SPOCK3: variants seen among roughly 807,000 people sequenced by gnomAD.
SPOCK3 encodes the protein SPARC (osteonectin), cwcv and kazal like domains proteoglycan 3, also known as testican-3.
A neutral mutation model predicts 56.6 loss-of-function variants in SPOCK3; 30 were observed. The ratio of observed to expected loss-of-function variants is 0.53; its 90% CI spans 0.40 to 0.72. The LOEUF (loss-of-function observed/expected upper bound fraction) is 0.72, where lower values mean the gene tolerates loss of function less well. SPOCK3 is among the 30% of genes least tolerant of loss of function. The pLI is 0.00. For synonymous variants in SPOCK3, 196 were observed against 183.3 expected, an observed-to-expected ratio of 1.07 and a Z score of -0.56; for missense variants, 527 against 530.0, an observed-to-expected ratio of 0.99 and a Z score of 0.06.
chr4:166,872,699 G>T (rs987854695), intron 6 of SPOCK3, among the ~76,000 whole-genome samples: 1 of 152,126 alleles, frequency 6.6e-6, no homozygotes, highest in Non-Finnish European at 1.5e-5. Context: ...AATATGAAAG[G>T]CTGCATAGTG....
At chr4:167,211,927 G>T (rs990577190) in intron 2 of SPOCK3, among the ~76,000 whole-genome samples, 1 of 152,088 alleles carries the variant, frequency 6.6e-6, no homozygotes, top group Non-Finnish European at 1.5e-5. Context: ...GAAACTTCAA[G>T]ACCTATTTGC....
chr4:167,134,867 G>A (rs1762987402), intron 2 of SPOCK3, among the ~76,000 whole-genome samples: 1 of 151,848 alleles, frequency 6.6e-6, no homozygotes, highest in Non-Finnish European at 1.5e-5. Flanking sequence ...TTATTTCTCA[G>A]TTTCATTAAT....
intron 2 of SPOCK3, among the ~76,000 whole-genome samples, chr4:167,066,384 T>G (rs1756137265): frequency 6.6e-6 from 1 of 151,844 alleles, no homozygotes; most frequent in Admixed American, 6.6e-5. Context: ...AAAAGGGAAG[T>G]GTAACAAGTT....
chr4:167,109,363 TATATATATATTTATA>T (rs1760629319), intron 2 of SPOCK3, among the ~76,000 whole-genome samples: 1 of 37,120 alleles, frequency 2.7e-5, no homozygotes, highest in African/African-American at 8.5e-5. Context: ...AATATATATT[TATATATATATTTATA>T]TAAAATATAT....
At chr4:166,883,840 A>C (rs1733918000) in intron 6 of SPOCK3, among the ~76,000 whole-genome samples, 1 of 152,252 alleles carries the variant, frequency 6.6e-6, no homozygotes, top group Non-Finnish European at 1.5e-5. Flanking sequence ...GAATTTAAGA[A>C]AATTTAAATA....
intron 2 of SPOCK3, among the ~76,000 whole-genome samples, chr4:167,190,906 C>T (rs1178900881): frequency 6.9e-6 from 1 of 145,530 alleles, no homozygotes. Flanking sequence ...TTCTTGACCC[C>T]TTTGACAAAG....
chr4:166,969,230 T>A (rs969342321), intron 4 of SPOCK3, among the ~76,000 whole-genome samples: 2 of 152,112 alleles, frequency 1.3e-5, no homozygotes, highest in African/African-American at 4.8e-5. Context: ...GACATTTGAG[T>A]TAAGGCTGGA....
chr4:167,141,416 T>C (rs529590554), intron 2 of SPOCK3, among the ~76,000 whole-genome samples: 1 of 152,162 alleles, frequency 6.6e-6, no homozygotes, highest in Non-Finnish European at 1.5e-5. Context: ...GAGGACCTAG[T>C]GCTTTTCCAA....
chr4:166,769,909 T>C (rs11944856), intron 7 of SPOCK3, among the ~76,000 whole-genome samples: 32,696 of 152,148 alleles, frequency 0.21, 4,191 homozygotes, highest in South Asian at 0.31. Flanking sequence ...CCCCCAGCCT[T>C]GCTGCTGTCT....
At chr4:167,169,412 C>G (rs770882577) in intron 2 of SPOCK3, among the ~76,000 whole-genome samples, 13 of 152,152 alleles carry the variant, frequency 8.5e-5, no homozygotes, top group African/African-American at 2.7e-4. Context: ...ATGTGTGACA[C>G]GAAGTCAAAG....
intron 6 of SPOCK3, among the ~76,000 whole-genome samples, chr4:166,870,914 A>G (rs1400198091): frequency 6.6e-6 from 1 of 151,906 alleles, no homozygotes; most frequent in Non-Finnish European, 1.5e-5. Context: ...TTCTCACAAG[A>G]TCTGATGGTT....
intron 6 of SPOCK3, among the ~76,000 whole-genome samples, chr4:166,871,276 T>A (rs1732437830): frequency 6.6e-6 from 1 of 152,064 alleles, no homozygotes; most frequent in African/African-American, 2.4e-5. Context: ...AAAAGGTGAT[T>A]CTTTGAAAAG....
At position 166,928,969 on chromosome 4, in the gene SPOCK3, A is replaced by AAAC. The variant is rs144684053; in HGVS notation, c.351-16229_351-16227dup. ...GGCGATAGAGTGAGACTCTGCCTCA[A>AAAC]AACAACAACAACAACAACAACAAAA... On this transcript the variant is annotated intron_variant, in intron 4 of 10. Coordinates refer to ENST00000357545, the MANE Select transcript of SPOCK3 (RefSeq NM_001040159.2). 4.6e-3 allele frequency among the ~76,000 whole-genome samples: 702 copies of AAAC among 151,752 alleles called. 5 individuals are homozygous for AAAC. Among genetic ancestry groups the AAAC allele is most frequent in the African/African-American group, 0.016 (643 of 41,396 alleles).
chr4:167,001,789 T>C lies in SPOCK3; in HGVS notation c.236-1326A>G, dbSNP rs560851528. Among the ~76,000 whole-genome samples the C allele has an allele frequency of 4.6e-5, 7 of 152,176 alleles. No individual in the cohort carries two copies. In the South Asian group the frequency reaches 1.5e-3, roughly 32 times the overall value. On this transcript the variant is annotated intron_variant, in intron 3 of 10. Transcript: ENST00000357545. ...AGAAATAAAACCAGAAAAATGTGCA[T>C]TTGGAATATGCAGAAGTATTTGGAA...
At chr4:167,178,524 C>T (rs1036767926) in intron 2 of SPOCK3, among the ~76,000 whole-genome samples, 2 of 152,124 alleles carry the variant, frequency 1.3e-5, no homozygotes, top group African/African-American at 2.4e-5. Flanking sequence ...CACCTCCTTC[C>T]TAACATTTTA....
intron 3 of SPOCK3, among the ~76,000 whole-genome samples, chr4:167,003,020 A>G (rs1237162891): frequency 6.6e-6 from 1 of 152,140 alleles, no homozygotes; most frequent in Non-Finnish European, 1.5e-5. Context: ...ATAAAACACT[A>G]TAGTACATAT....
At chr4:167,010,435 G>T (rs891459922) in intron 3 of SPOCK3, among the ~76,000 whole-genome samples, 4 of 148,412 alleles carry the variant, frequency 2.7e-5, no homozygotes, top group African/African-American at 9.9e-5. Context: ...GTGGAGAATC[G>T]CTTGAGCCCA....
At chr4:167,028,170 T>C (rs1374076373) in intron 3 of SPOCK3, among the ~76,000 whole-genome samples, 1 of 151,964 alleles carries the variant, frequency 6.6e-6, no homozygotes, top group Non-Finnish European at 1.5e-5. Flanking sequence ...GAGGATCACT[T>C]GAAGCCAGAG....
chr4:167,152,072 T>A (rs1764471604), intron 2 of SPOCK3, among the ~76,000 whole-genome samples: 1 of 152,272 alleles, frequency 6.6e-6, no homozygotes, highest in African/African-American at 2.4e-5. Flanking sequence ...GGCAAATTAA[T>A]AAAGAGAAAC....
Sources: gnomAD v4.1 joint callset for allele counts (sites outside exome capture counted in the v4.1 genomes callset) on GRCh38, gnomAD v4.1.1 for gene constraint, MANE v1.5 for transcripts, NCBI Gene and HGNC (gene_info 2026-07-23, HGNC 2026-07-21) for gene names.